The following CDH17 variants were observed in gnomAD, a reference collection of about 807,000 sequenced individuals.
CDH17 encodes cadherin-17.
Under a neutral mutation model 86.3 loss-of-function variants are expected in CDH17, and 67 were observed. That is an observed-to-expected ratio of 0.78 (90% CI 0.64 to 0.95). CDH17 has a LOEUF of 0.95. CDH17 is among the 40% of genes least tolerant of loss of function. CDH17 has a pLI of 0.00. For synonymous variants in CDH17, 367 were observed against 366.4 expected, an observed-to-expected ratio of 1.00 and a Z score of -0.02; for missense variants, 993 against 1,017.6, an observed-to-expected ratio of 0.98 and a Z score of 0.33.
At chr8:94,140,503 A>G (rs1245299940) in intron 15 of CDH17, among the ~76,000 whole-genome samples, 1 of 152,162 alleles carries the variant, frequency 6.6e-6, no homozygotes, top group Non-Finnish European at 1.5e-5. Flanking sequence ...AAAGATCTCA[A>G]ATTAATGGCA....
rs77710794 is a variant in CDH17 at position 94,167,744 on chromosome 8, C to T, written c.1067-1768G>A. Among the ~76,000 whole-genome samples the T allele has an allele frequency of 7.9e-5, 12 of 152,206 alleles. No individual in the cohort carries two copies. In the East Asian group the frequency reaches 2.3e-3, roughly 30 times the overall value. On this transcript the variant is annotated intron_variant, in intron 9 of 17. Coordinates refer to ENST00000027335, the MANE Select transcript of CDH17 (RefSeq NM_004063.4). ...GAGGACACTGTCCTCCTCTCACTCA[C>T]AGGAAACCTCCATGCTGCCAGAGGC...
rs1812740267 is a variant in CDH17, at chr8:94,146,165, C to A, written c.1930G>T (p.Gly644Trp). The change falls in exon 15 of 18, where the codon GGG becomes TGG. Residue 644 changes from glycine to tryptophan, a missense_variant and splice_region_variant. By Grantham distance (184) the Gly-to-Trp change is radical (BLOSUM62 -2). Transcript: ENST00000027335. The stretch of plus-strand genomic sequence containing the variant: ...TCTGACACAGAGCTCAAGGAAGACC[C>A]CCCTAAGGAATTGAATGATTGAAAC... ...RVQVVATEVG[G>W]SSLSSVSEFH... 6.6e-7 allele frequency: 1 copy of A among 1,509,628 alleles called. No homozygotes were observed. Among genetic ancestry groups the A allele is most frequent in the Non-Finnish European group, 8.9e-7 (1 of 1,129,534 alleles). The allele number at this position is 1,509,628 out of a possible 1,614,324, so 93.5% of individuals were successfully genotyped here.
At chr8:94,192,440 C>A (rs1586018914) in intron 2 of CDH17, among the ~76,000 whole-genome samples, 1 of 152,154 alleles carries the variant, frequency 6.6e-6, no homozygotes, top group South Asian at 2.1e-4. Flanking sequence ...GACTTGATCA[C>A]CACAAGACAT....
intron 14 of CDH17, among the ~76,000 whole-genome samples, chr8:94,147,308 C>G (rs980051544): frequency 2.0e-5 from 3 of 152,202 alleles, no homozygotes; most frequent in African/African-American, 7.2e-5. Flanking sequence ...GAGGGCCTGT[C>G]CATTCACACA....
intron 12 of CDH17, among the ~76,000 whole-genome samples, chr8:94,153,249 A>G (rs1812888515): frequency 6.6e-6 from 1 of 152,246 alleles, no homozygotes; most frequent in South Asian, 2.1e-4. Context: ...ACAAATAGCC[A>G]ACAAGTATAT....
intron 1 of CDH17, among the ~76,000 whole-genome samples, chr8:94,198,817 T>A (rs562344606): frequency 1.3e-3 from 197 of 152,218 alleles, no homozygotes; most frequent in Non-Finnish European, 1.5e-3. Flanking sequence ...TGTTTCCTCA[T>A]TTCTGCTTCT....
intron 7 of CDH17, among the ~76,000 whole-genome samples, chr8:94,173,201 A>T (rs1813302291): frequency 6.6e-6 from 1 of 152,078 alleles, no homozygotes; most frequent in Non-Finnish European, 1.5e-5. Flanking sequence ...TGTCGTTTGG[A>T]TGTTTGTCCC....
intron 2 of CDH17, among the ~76,000 whole-genome samples, chr8:94,191,221 T>C (rs1404998900): frequency 6.6e-6 from 1 of 152,126 alleles, no homozygotes; most frequent in Non-Finnish European, 1.5e-5. Context: ...ACAATGTACC[T>C]TGTGTCTGCA....
chr8:94,132,610 G>T (rs1812441416), intron 15 of CDH17, among the ~76,000 whole-genome samples: 1 of 152,024 alleles, frequency 6.6e-6, no homozygotes, highest in African/African-American at 2.4e-5. Flanking sequence ...CTTCCATTCT[G>T]TATGTTGCCT....
chr8:94,161,717 T>C (rs1303830503), intron 11 of CDH17, among the ~76,000 whole-genome samples: 1 of 152,228 alleles, frequency 6.6e-6, no homozygotes, highest in East Asian at 1.9e-4. Context: ...TGGCTAAAAA[T>C]GCTTGAGACC....
chr8:94,139,665 G>T (rs1185589453), intron 15 of CDH17, among the ~76,000 whole-genome samples: 19 of 152,196 alleles, frequency 1.2e-4, no homozygotes, highest in Non-Finnish European at 2.6e-4. Flanking sequence ...CACTTTGGGA[G>T]GCTGGGGCAG....
Position 94,146,141 on chromosome 8 carries a change from C to T in CDH17, c.1954G>A (p.Glu652Lys), listed in dbSNP as rs200829359. ...VGGSSLSSVS[E>K]FHLILMDVND... is the part of the protein sequence containing the mutation. ...ACATCCATAAGGATCAGGTGGAACTCTGACACAGAGCTCAAGGAAGACCCC... is the reference window on the plus strand; with the variant it reads ...ACATCCATAAGGATCAGGTGGAACTTTGACACAGAGCTCAAGGAAGACCCC... Residue 652 changes from glutamate (E) to lysine (K), a missense_variant, in exon 15 of 18, where the codon GAG (glutamate) becomes AAG (lysine). Coordinates refer to ENST00000027335, the MANE Select transcript of CDH17 (RefSeq NM_004063.4). 266 of 1,594,760 alleles carry T rather than the reference C, an allele frequency of 1.7e-4. No individual in the cohort carries two copies. Among genetic ancestry groups the T allele is most frequent in the Non-Finnish European group, 2.1e-4 (244 of 1,170,386 alleles).
At chr8:94,213,806 G>A (rs757203438) in intron 1 of CDH17, among the ~76,000 whole-genome samples, 1 of 152,034 alleles carries the variant, frequency 6.6e-6, no homozygotes, top group Non-Finnish European at 1.5e-5. Flanking sequence ...TCAACACCAT[G>A]GCGAGCTCTC....
intron 9 of CDH17, among the ~76,000 whole-genome samples, chr8:94,168,467 T>C (rs925686342): frequency 2.0e-5 from 3 of 151,926 alleles, no homozygotes; most frequent in South Asian, 4.2e-4. Flanking sequence ...ATCAAGGTTT[T>C]ATTTGTGAAT....
Position 94,170,478 on chromosome 8 carries a change from T to G in CDH17, c.985A>C (p.Lys329Gln). 1 of 1,613,860 alleles carries G rather than the reference T, an allele frequency of 6.2e-7. No individual in the cohort carries two copies. Among genetic ancestry groups the G allele is most frequent in the South Asian group, 1.1e-5 (1 of 91,078 alleles). ...GGATTATCATTAATATCTTTAACTTTTACATGAATTTCCAGCGGATATGAA... is the reference window on the plus strand; with the variant it reads ...GGATTATCATTAATATCTTTAACTTGTACATGAATTTCCAGCGGATATGAA... ...PLSYPLEIHVKVKDINDNPPT... is the reference protein window; with the variant it reads ...PLSYPLEIHVQVKDINDNPPT... The change falls in exon 9 of 18, where the codon AAA becomes CAA. Residue 329 changes from lysine to glutamine, a missense_variant. Physicochemically the swap from Lys to Gln is moderately conservative, Grantham distance 53 (BLOSUM62 1). Transcript: ENST00000027335.
intron 9 of CDH17, among the ~76,000 whole-genome samples, chr8:94,166,418 C>T (rs1327819047): frequency 6.6e-6 from 1 of 152,222 alleles, no homozygotes; most frequent in Admixed American, 6.5e-5. Flanking sequence ...ATTTTACTTT[C>T]ATTACCTCTT....
At chr8:94,160,424 C>A (rs1310147919) in intron 11 of CDH17, among the ~76,000 whole-genome samples, 4 of 152,136 alleles carry the variant, frequency 2.6e-5, no homozygotes, top group Non-Finnish European at 5.9e-5. Flanking sequence ...CCTCCCATAT[C>A]CAATTTGTTT....
chr8:94,146,298 T>A (rs1165175316), intron 14 of CDH17, 131 bp from the exon 15 acceptor site: 1 of 733,660 alleles, frequency 1.4e-6, no homozygotes, highest in Non-Finnish European at 2.0e-6. Context: ...GCTTTTAGAA[T>A]CAAAGACCTA....
intron 15 of CDH17, among the ~76,000 whole-genome samples, chr8:94,134,260 T>A (rs1283779346): frequency 4.6e-5 from 7 of 152,250 alleles, no homozygotes; most frequent in Non-Finnish European, 1.0e-4. Flanking sequence ...TCTGGTAGAA[T>A]TCAGCTGTGA....
Sources: allele counts gnomAD v4.1 joint callset (sites outside exome capture counted in the v4.1 genomes callset), GRCh38; gene constraint gnomAD v4.1.1; transcripts MANE v1.5; gene names NCBI Gene and HGNC (gene_info 2026-07-23, HGNC 2026-07-21).